CENPP: variants seen among roughly 807,000 people sequenced by gnomAD.
CENPP encodes centromere protein P.
CENPP carries 24 observed loss-of-function variants against 35.6 expected under a neutral mutation model. The ratio of observed to expected loss-of-function variants is 0.67; its 90% confidence interval spans 0.49 to 0.95. The LOEUF is 0.95. Among genes scored for constraint, CENPP ranks in the 40% least tolerant of loss-of-function variants. The pLI, the probability that CENPP is intolerant of heterozygous loss-of-function variation, is 0.00. For missense variants in CENPP, 332 were observed against 345.3 expected (o/e 0.96, Z 0.31); for synonymous variants, 120 against 125.5 (o/e 0.96, Z 0.29).
intron 3 of CENPP, among the ~76,000 whole-genome samples, chr9:92,341,048 G>A (rs977492900): frequency 2.0e-5 from 3 of 152,090 alleles, no homozygotes; most frequent in African/African-American, 4.8e-5. Context: ...TGGAGGTATA[G>A]GATTATAAAC....
chr9:92,531,375 CT>C (rs1426186908), intron 5 of CENPP, among the ~76,000 whole-genome samples: 1 of 152,154 alleles, frequency 6.6e-6, no homozygotes, highest in Non-Finnish European at 1.5e-5. Context: ...CCAGGATGAA[CT>C]TCAACTCCAT....
chr9:92,402,936 A>G (rs1393781213), intron 5 of CENPP, among the ~76,000 whole-genome samples: 4 of 152,196 alleles, frequency 2.6e-5, no homozygotes, highest in African/African-American at 9.6e-5. Flanking sequence ...GCATTGTGTA[A>G]CATTACTTAA....
chr9:92,451,500 C>G (rs1398741363), intron 5 of CENPP, among the ~76,000 whole-genome samples: 2 of 151,764 alleles, frequency 1.3e-5, no homozygotes, highest in Admixed American at 6.6e-5. Context: ...GTTACTGTAG[C>G]CTTGTAGTAT....
At chr9:92,452,794 T>A (rs1361309181) in intron 5 of CENPP, among the ~76,000 whole-genome samples, 2 of 152,200 alleles carry the variant, frequency 1.3e-5, no homozygotes, top group African/African-American at 4.8e-5. Context: ...ATTGGTCTAT[T>A]CAGAGATTCA....
intron 5 of CENPP, among the ~76,000 whole-genome samples, chr9:92,571,886 GCA>G (rs1850149699): frequency 6.7e-6 from 1 of 148,608 alleles, no homozygotes; most frequent in Non-Finnish European, 1.5e-5. Context: ...TGTTTTATCA[GCA>G]ACTAGGATTG....
At chr9:92,396,471 A>T (rs1842894180) in intron 5 of CENPP, among the ~76,000 whole-genome samples, 1 of 151,910 alleles carries the variant, frequency 6.6e-6, no homozygotes, top group African/African-American at 2.4e-5. Flanking sequence ...AATCTTCTAG[A>T]CCTCGAACAT....
intron 5 of CENPP, chr9:92,393,165 GGGT>G (rs1425578687): frequency 6.2e-7 from 1 of 1,613,762 alleles, no homozygotes; most frequent in East Asian, 2.2e-5. Flanking sequence ...CCTTTGGTAA[GGGT>G]GGTACAGCAT....
chr9:92,415,912 A>G (rs1285594113), intron 5 of CENPP, among the ~76,000 whole-genome samples: 1 of 144,634 alleles, frequency 6.9e-6, no homozygotes, highest in Non-Finnish European at 1.5e-5. Flanking sequence ...TTGCAAGGAG[A>G]AAAGGAAACA....
At chr9:92,463,681 G>A (rs1387962415) in intron 5 of CENPP, among the ~76,000 whole-genome samples, 1 of 152,168 alleles carries the variant, frequency 6.6e-6, no homozygotes, top group East Asian at 1.9e-4. Flanking sequence ...GCAGATGAAA[G>A]GGATTTTATA....
chr9:92,366,751 C>T (rs1280658640), intron 4 of CENPP, among the ~76,000 whole-genome samples: 1 of 152,190 alleles, frequency 6.6e-6, no homozygotes, highest in Non-Finnish European at 1.5e-5. Flanking sequence ...CACACATGCT[C>T]ATTTTTTCAA....
chr9:92,529,151 C>T (rs149784154), intron 5 of CENPP, among the ~76,000 whole-genome samples: 2 of 152,272 alleles, frequency 1.3e-5, no homozygotes, highest in African/African-American at 4.8e-5. Flanking sequence ...TTTTCAAAAA[C>T]TGCAAAAAGA....
chr9:92,607,189 G>A (rs1176707161), intron 5 of CENPP, among the ~76,000 whole-genome samples: 1 of 146,020 alleles, frequency 6.8e-6, no homozygotes, highest in African/African-American at 2.4e-5. Context: ...TGTGCAGTAA[G>A]CATTGAAGTT....
intron 5 of CENPP, among the ~76,000 whole-genome samples, chr9:92,398,400 G>C (rs114869321): frequency 1.3e-3 from 200 of 152,128 alleles, no homozygotes; most frequent in African/African-American, 4.4e-3. Context: ...AAGTATATAC[G>C]CAGAGAACTG....
intron 5 of CENPP, among the ~76,000 whole-genome samples, chr9:92,442,962 A>G (rs1358025725): frequency 1.3e-5 from 2 of 152,168 alleles, no homozygotes; most frequent in African/African-American, 4.8e-5. Context: ...CTAACATAAC[A>G]TGAGGAAATA....
chr9:92,358,940 TTTTC>T (rs1230137165), intron 4 of CENPP, among the ~76,000 whole-genome samples: 1 of 141,750 alleles, frequency 7.1e-6, no homozygotes, highest in Non-Finnish European at 1.5e-5. Context: ...ATCTCTTTTT[TTTTC>T]TTTCTTTCTT....
intron 5 of CENPP, chr9:92,495,745 A>G: frequency 1.1e-6 from 1 of 934,390 alleles, no homozygotes; most frequent in Non-Finnish European, 1.3e-6. Context: ...TTAACATTAC[A>G]GTAGTGTTTT....
rs142608064 is a variant in CENPP, at chr9:92,514,750, C to A, written c.565-96564C>A. On this transcript the variant is annotated intron_variant, in intron 5 of 7. Coordinates refer to ENST00000375587, the MANE Select transcript of CENPP (RefSeq NM_001012267.3). Reference sequence around the variant, plus strand: ...GCACCCGCTTGGCAGGCGCAGTGTGCCTCTGGGAGGAGCAGGAAGCGGGGA... The same window carrying A: ...GCACCCGCTTGGCAGGCGCAGTGTGACTCTGGGAGGAGCAGGAAGCGGGGA... 1.1e-4 allele frequency: 179 copies of A among 1,614,080 alleles called. No individual in the cohort carries two copies. The African/African-American group carries it at 2.1e-3, about 19-fold the overall frequency.
At chr9:92,517,636 A>G (rs1847808693) in intron 5 of CENPP, 2 of 1,604,056 alleles carry the variant, frequency 1.2e-6, no homozygotes, top group Non-Finnish European at 1.7e-6. Flanking sequence ...AAACAAATGG[A>G]AGTTAAAGAT....
At chr9:92,339,043 G>A (rs762615950) in intron 3 of CENPP, among the ~76,000 whole-genome samples, 1 of 152,212 alleles carries the variant, frequency 6.6e-6, no homozygotes, top group Non-Finnish European at 1.5e-5. Context: ...TGAAAGAGGA[G>A]AAAGCAGTTT....
Sources: allele counts gnomAD v4.1 joint callset (sites outside exome capture counted in the v4.1 genomes callset), GRCh38; gene constraint gnomAD v4.1.1; transcripts MANE v1.5; gene names NCBI Gene and HGNC (gene_info 2026-07-23, HGNC 2026-07-21).